Variants in RNF225 observed in about 807,000 individuals in gnomAD.
The protein encoded by RNF225 is ring finger protein 225.
For missense variants in RNF225, 510 were observed against 509.8 expected, an observed-to-expected ratio of 1.00 and a Z score of 0.00; for synonymous variants, 295 against 260.4, an observed-to-expected ratio of 1.13 and a Z score of -1.28.
At position 58,396,430 on chromosome 19, in the gene RNF225, C is replaced by T; in HGVS notation, c.341C>T (p.Pro114Leu). Residue 114 changes from proline (P) to leucine (L), a missense_variant, in exon 1 of 1, where the codon CCC (proline) becomes CTC (leucine). By Grantham distance (98) the Pro-to-Leu change is moderately conservative. Transcript: ENST00000601382. ...NAVACPVCRA[P>L]TRLAPRRGLP... is the part of the protein sequence containing the mutation. ...GTGGCCTGTCCGGTGTGCCGCGCGC[C>T]CACGCGCCTGGCCCCCCGCCGCGGA... is the stretch of plus-strand genomic sequence containing the variant. 2.7e-6 allele frequency: 4 copies of T among 1,481,720 alleles called. No homozygotes were observed. The highest frequency in any genetic ancestry group is 3.6e-6 in the Non-Finnish European group (4 of 1,125,122). The allele number at this position is 1,481,720 out of a possible 1,614,324, so 91.8% of individuals were successfully genotyped here. A position where few individuals can be genotyped will look rare whatever the true frequency, so the allele number is the denominator to read the frequency against.
At position 58,396,793 on chromosome 19, in the gene RNF225, A is replaced by C; in HGVS notation, c.704A>C (p.Gln235Pro). The C allele has an allele frequency of 1.3e-6, 2 of 1,519,176 alleles. No homozygotes were observed. Among genetic ancestry groups the C allele is most frequent in the Non-Finnish European group, 1.8e-6 (2 of 1,140,740 alleles). The allele number at this position is 1,519,176 out of a possible 1,614,324, so 94.1% of individuals were successfully genotyped here. Residue 235 changes from glutamine to proline, a missense_variant, in exon 1 of 1, where the codon CAG becomes CCG. Gln to Pro is a moderately conservative substitution (Grantham distance 76, BLOSUM62 -1). Coordinates refer to ENST00000601382, the MANE Select transcript of RNF225 (RefSeq NM_001195135.2). The part of the protein sequence containing the change: ...HATSSGPPRP[Q>P]LVALAPAPGF... ...ACCTCCTCCGGCCCCCCGCGGCCCC[A>C]GCTCGTGGCGCTCGCTCCAGCGCCT...
rs886217971 is a variant in RNF225, at chr19:58,396,065, C to T, written c.-25C>T. On this transcript the variant is annotated 5_prime_UTR_variant, in exon 1 of 1. Transcript: ENST00000601382. ...TCCACCGCCTCCTTCCCTGCCTGAC[C>T]TCCTCTCCTCCCAGGTCCATCCGGA... The T allele has an allele frequency of 1.8e-5, 27 of 1,478,448 alleles. No individual in the cohort carries two copies. Among genetic ancestry groups the T allele is most frequent in the Middle Eastern group, 2.4e-4 (1 of 4,120 alleles). 91.6% of individuals were successfully genotyped at this position (1,478,448 alleles called of 1,614,324 possible).
chr19:58,397,054 C>G lies in RNF225; in HGVS notation c.965C>G (p.Ala322Gly). The change falls in exon 1 of 1, where the codon GCG (alanine) becomes GGG (glycine). Residue 322 changes from alanine (A) to glycine (G), a missense_variant. Ala to Gly is a moderately conservative substitution (Grantham distance 60). Coordinates refer to ENST00000601382, the MANE Select transcript of RNF225 (RefSeq NM_001195135.2). ...GPGWAPWPRG[A>G]RRLWGSQ ...GGCTGGGCCCCGTGGCCACGGGGCG[C>G]GAGGAGGCTGTGGGGCTCACAATAA... is the stretch of plus-strand genomic sequence containing the variant. 6.6e-7 allele frequency: 1 copy of G among 1,525,804 alleles called. No homozygotes were observed. The highest frequency in any genetic ancestry group is 1.2e-5 in the South Asian group (1 of 83,184). 94.5% of individuals were successfully genotyped at this position (1,525,804 alleles called of 1,614,324 possible).
Position 58,396,351 on chromosome 19 carries a change from T to G in RNF225, c.262T>G (p.Cys88Gly). 6.5e-7 allele frequency: 1 copy of G among 1,535,456 alleles called. No homozygotes were observed. Among genetic ancestry groups the G allele is most frequent in the Non-Finnish European group, 8.7e-7 (1 of 1,146,658 alleles). ...PKRLDCGHVF[C>G]LECLARLSLA... ...GCGCCTGGACTGCGGCCACGTCTTC[T>G]GTCTCGAGTGCCTGGCGCGCCTATC... The change falls in exon 1 of 1, where the codon TGT becomes GGT. Residue 88 changes from cysteine to glycine, a missense_variant. Transcript: ENST00000601382.
At position 58,396,008 on chromosome 19, in the gene RNF225, A is replaced by T. The variant is rs2052395249; in HGVS notation, c.-82A>T. The T allele has an allele frequency of 7.5e-7, 1 of 1,340,278 alleles. No individual in the cohort carries two copies. The highest frequency in any genetic ancestry group is 2.7e-5 in the Admixed American group (1 of 36,588). The allele number at this position is 1,340,278 out of a possible 1,614,324, so 83.0% of individuals were successfully genotyped here. ...AAGTACAGTCCCCAGTCTTCCCTGG[A>T]TTCCCTGCTGGTCTCAGAACCCGCT... On this transcript the variant is annotated 5_prime_UTR_variant, in exon 1 of 1. Coordinates refer to ENST00000601382, the MANE Select transcript of RNF225 (RefSeq NM_001195135.2).
In RNF225 at chr19:58,396,678, GTCT is replaced by G; in HGVS notation, c.592_594del (p.Phe198del). 6.7e-7 allele frequency: 1 copy of G among 1,488,794 alleles called. No individual in the cohort carries two copies. The highest frequency in any genetic ancestry group is 2.0e-4 in the Middle Eastern group (1 of 5,086). 92.2% of individuals were successfully genotyped at this position (1,488,794 alleles called of 1,614,324 possible). On this transcript the variant is annotated inframe_deletion, in exon 1 of 1. Transcript: ENST00000601382. ...CTTGTCGCTGGCCAGCCCGGCCTGG[GTCT>G]TCAACGCTGCCGTGGCGCTGGCGGT...
rs763208359 is a variant in RNF225 at position 58,396,295 on chromosome 19, C to A, written c.206C>A (p.Ser69Ter). 190 of 1,535,938 alleles carry A rather than the reference C, an allele frequency of 1.2e-4. 3 individuals are homozygous for A. The Middle Eastern group carries it at 1.8e-3, about 15-fold the overall frequency. ...ASPVECLICVSSFDGVFKLPK... is the reference protein window; with the variant it reads ...ASPVECLICV ...CCGGTGGAGTGCCTCATCTGCGTGTCGTCCTTCGACGGCGTGTTCAAGCTG... is the reference window on the plus strand; with the variant it reads ...CCGGTGGAGTGCCTCATCTGCGTGTAGTCCTTCGACGGCGTGTTCAAGCTG... Residue 69 changes from serine (S) to a stop codon, truncating the protein, a stop_gained, in exon 1 of 1, where the codon TCG (serine) becomes TAG (stop). Coordinates refer to ENST00000601382, the MANE Select transcript of RNF225 (RefSeq NM_001195135.2). LOFTEE classifies it low-confidence loss of function (END_TRUNC).
At position 58,396,835 on chromosome 19, in the gene RNF225, C is replaced by T. The variant is rs1178910321; in HGVS notation, c.746C>T (p.Pro249Leu). 3 of 1,520,088 alleles carry T rather than the reference C, an allele frequency of 2.0e-6. No homozygotes were observed. The highest frequency in any genetic ancestry group is 2.9e-5 in the African/African-American group (2 of 69,744). The allele number at this position is 1,520,088 out of a possible 1,614,324, so 94.2% of individuals were successfully genotyped here. A position where few individuals can be genotyped will look rare whatever the true frequency, so the allele number is the denominator to read the frequency against. Residue 249 changes from proline to leucine, a missense_variant, in exon 1 of 1, where the codon CCG becomes CTG. Transcript: ENST00000601382. ...CCAGCGCCTGGCTTCTCTTGGTTTCCGCCGAGGCCCCCGCCGGGGTCGCCC... is the reference window on the plus strand; with the variant it reads ...CCAGCGCCTGGCTTCTCTTGGTTTCTGCCGAGGCCCCCGCCGGGGTCGCCC... ...LAPAPGFSWF[P>L]PRPPPGSPWA...
At position 58,396,180 on chromosome 19, in the gene RNF225, TC is replaced by T; in HGVS notation, c.95del (p.Pro32GlnfsTer?). Reference protein sequence around the residue: ...SSPGSLSAPRSPSRGEDQEEE... With the variant: ...SSPGSLSAPRXPSRGEDQEEE... Reference sequence around the variant, plus strand: ...CCCAGGCTCGCTCTCTGCGCCCCGCTCCCCAAGCAGAGGGGAAGACCAGGAG... The same window carrying T: ...CCCAGGCTCGCTCTCTGCGCCCCGCTCCCAAGCAGAGGGGAAGACCAGGAG... On this transcript the variant is annotated frameshift_variant, in exon 1 of 1. Transcript: ENST00000601382. LOFTEE classifies it low-confidence loss of function (END_TRUNC). 6.5e-7 allele frequency: 1 copy of T among 1,538,272 alleles called. No homozygotes were observed. Among genetic ancestry groups the T allele is most frequent in the Non-Finnish European group, 8.7e-7 (1 of 1,149,056 alleles).
chr19:58,395,728 C>G lies in RNF225; in HGVS notation c.-362C>G, dbSNP rs1010036. On this transcript the variant is annotated 5_prime_UTR_variant, in exon 1 of 1. Coordinates refer to ENST00000601382, the MANE Select transcript of RNF225 (RefSeq NM_001195135.2). ...TAGGAAGGCGCCCACAGGCTGGCTGCGGTCTGTCATTACTCTGTGGGGGGT... is the reference window on the plus strand; with the variant it reads ...TAGGAAGGCGCCCACAGGCTGGCTGGGGTCTGTCATTACTCTGTGGGGGGT... Among the ~76,000 whole-genome samples the G allele has an allele frequency of 0.47, 71,403 of 151,774 alleles. 17,270 individuals carry two copies. Among genetic ancestry groups the G allele is most frequent in the African/African-American group, 0.57 (23,630 of 41,332 alleles).
In RNF225 at chr19:58,396,593, C is replaced by A; in HGVS notation, c.504C>A (p.Arg168=). The change falls in exon 1 of 1, where the codon CGC becomes CGA. Residue 168 remains arginine, a synonymous_variant. Coordinates refer to ENST00000601382, the MANE Select transcript of RNF225 (RefSeq NM_001195135.2). ...CGCCGCCGCCCCCGCCCGGGCCGCG[C>A]AAGGCCCGCGCCCCGCCGCCCCCGC... ...LRPPPPPPGP[R]KARAPPPPPP... is the part of the protein sequence containing the mutation. 1 of 1,097,934 alleles carries A rather than the reference C, an allele frequency of 9.1e-7. No homozygotes were observed. Among genetic ancestry groups the A allele is most frequent in the Non-Finnish European group, 1.1e-6 (1 of 905,888 alleles). 68.0% of individuals were successfully genotyped at this position (1,097,934 alleles called of 1,614,324 possible).
In RNF225 at chr19:58,396,919, G is replaced by A. The variant is rs1326278843; in HGVS notation, c.830G>A (p.Gly277Glu). The A allele has an allele frequency of 4.6e-6, 7 of 1,534,156 alleles. No homozygotes were observed. The highest frequency in any genetic ancestry group is 6.1e-6 in the Non-Finnish European group (7 of 1,146,290). Residue 277 changes from glycine (G) to glutamate (E), a missense_variant, in exon 1 of 1, where the codon GGA (glycine) becomes GAA (glutamate). Gly to Glu is a moderately conservative substitution (Grantham distance 98). Coordinates refer to ENST00000601382, the MANE Select transcript of RNF225 (RefSeq NM_001195135.2). ...TGPDLDTALP[G>E]TAEDALEPEA... The stretch of plus-strand genomic sequence containing the variant: ...CCTGACCTGGACACGGCCCTGCCAG[G>A]AACTGCAGAAGATGCGCTGGAGCCC...
In RNF225 at chr19:58,396,617, G is replaced by T; in HGVS notation, c.528G>T (p.Pro176=). 8.1e-7 allele frequency: 1 copy of T among 1,234,926 alleles called. No homozygotes were observed. Among genetic ancestry groups the T allele is most frequent in the Non-Finnish European group, 1.0e-6 (1 of 990,048 alleles). 76.5% of individuals were successfully genotyped at this position (1,234,926 alleles called of 1,614,324 possible). ...GPRKARAPPP[P]PPLRLGRPLS... Reference sequence around the variant, plus strand: ...GCAAGGCCCGCGCCCCGCCGCCCCCGCCGCCTCTGCGCCTGGGCCGCCCGC... The same window carrying T: ...GCAAGGCCCGCGCCCCGCCGCCCCCTCCGCCTCTGCGCCTGGGCCGCCCGC... Residue 176 remains proline, a synonymous_variant, in exon 1 of 1, where the codon CCG becomes CCT. Transcript: ENST00000601382.
rs1370345482 is a variant in RNF225, at chr19:58,396,828, T to C, written c.739T>C (p.Trp247Arg). The change falls in exon 1 of 1, where the codon TGG becomes CGG. Residue 247 changes from tryptophan to arginine, a missense_variant. Physicochemically the swap from Trp to Arg is moderately radical, Grantham distance 101. Coordinates refer to ENST00000601382, the MANE Select transcript of RNF225 (RefSeq NM_001195135.2). Reference protein sequence around the residue: ...VALAPAPGFSWFPPRPPPGSP... With the variant: ...VALAPAPGFSRFPPRPPPGSP... ...GCTCGCTCCAGCGCCTGGCTTCTCT[T>C]GGTTTCCGCCGAGGCCCCCGCCGGG... is the stretch of plus-strand genomic sequence containing the variant. 2 of 1,520,160 alleles carry C rather than the reference T, an allele frequency of 1.3e-6. No individual in the cohort carries two copies. The allele number at this position is 1,520,160 out of a possible 1,614,324, so 94.2% of individuals were successfully genotyped here. A position where few individuals can be genotyped will look rare whatever the true frequency, so the allele number is the denominator to read the frequency against.
In RNF225 at chr19:58,397,031, C is replaced by T. The variant is rs1269774380; in HGVS notation, c.942C>T (p.Gly314=). ...DGTWGTEAGP[G]WAPWPRGARR... is the part of the protein sequence containing the mutation. ...CGTGGGGCACAGAGGCTGGCCCCGG[C>T]TGGGCCCCGTGGCCACGGGGCGCGA... Residue 314 remains glycine, a synonymous_variant, in exon 1 of 1, where the codon GGC becomes GGT. Transcript: ENST00000601382. 1 of 1,531,446 alleles carries T rather than the reference C, an allele frequency of 6.5e-7. No homozygotes were observed. Among genetic ancestry groups the T allele is most frequent in the Non-Finnish European group, 8.7e-7 (1 of 1,145,164 alleles). The allele number at this position is 1,531,446 out of a possible 1,614,324, so 94.9% of individuals were successfully genotyped here.
rs771152855 is a variant in RNF225 at position 58,396,940 on chromosome 19, A to G, written c.851A>G (p.Glu284Gly). ...CCAGGAACTGCAGAAGATGCGCTGG[A>G]GCCCGAGGCGGGCCCCGAGGACCCG... ...ALPGTAEDAL[E>G]PEAGPEDPAE... Residue 284 changes from glutamate to glycine, a missense_variant, in exon 1 of 1, where the codon GAG becomes GGG. Physicochemically the swap from Glu to Gly is moderately conservative, Grantham distance 98. Transcript: ENST00000601382. The G allele has an allele frequency of 3.5e-5, 53 of 1,533,884 alleles. No individual in the cohort carries two copies. The highest frequency in any genetic ancestry group is 4.6e-5 in the Non-Finnish European group (53 of 1,146,340).
In RNF225 at chr19:58,397,020, G is replaced by A; in HGVS notation, c.931G>A (p.Ala311Thr). 1 of 1,532,488 alleles carries A rather than the reference G, an allele frequency of 6.5e-7. No individual in the cohort carries two copies. Among genetic ancestry groups the A allele is most frequent in the Non-Finnish European group, 8.7e-7 (1 of 1,145,562 alleles). 94.9% of individuals were successfully genotyped at this position (1,532,488 alleles called of 1,614,324 possible). The change falls in exon 1 of 1, where the codon GCT (alanine) becomes ACT (threonine). Residue 311 changes from alanine to threonine, a missense_variant. By Grantham distance (58) the Ala-to-Thr change is moderately conservative (BLOSUM62 0). Transcript: ENST00000601382. Reference protein sequence around the residue: ...RRSDGTWGTEAGPGWAPWPRG... With the variant: ...RRSDGTWGTETGPGWAPWPRG... ...ATCGGATGGCACGTGGGGCACAGAG[G>A]CTGGCCCCGGCTGGGCCCCGTGGCC...
rs778885527 is a variant in RNF225 at position 58,396,209 on chromosome 19, G to T, written c.120G>T (p.Glu40Asp). 3.2e-6 allele frequency: 5 copies of T among 1,543,252 alleles called. No individual in the cohort carries two copies. In the South Asian group the frequency reaches 4.7e-5, roughly 15 times the overall value. The change falls in exon 1 of 1, where the codon GAG becomes GAT. Residue 40 changes from glutamate (E) to aspartate (D), a missense_variant. Coordinates refer to ENST00000601382, the MANE Select transcript of RNF225 (RefSeq NM_001195135.2). ...CAAGCAGAGGGGAAGACCAGGAGGA[G>T]GAGGAGGAGGAGGAAGGGGACGGCA... ...RSPSRGEDQE[E>D]EEEEEGDGSP...
At position 58,395,754 on chromosome 19, in the gene RNF225, G is replaced by A. The variant is rs547359936; in HGVS notation, c.-336G>A. Among the ~76,000 whole-genome samples the A allele has an allele frequency of 5.3e-4, 79 of 148,538 alleles. No individual in the cohort carries two copies. Among genetic ancestry groups the A allele is most frequent in the African/African-American group, 2.0e-3 (75 of 38,072 alleles). On this transcript the variant is annotated 5_prime_UTR_variant, in exon 1 of 1. Coordinates refer to ENST00000601382, the MANE Select transcript of RNF225 (RefSeq NM_001195135.2). Reference sequence around the variant, plus strand: ...GGTCTGTCATTACTCTGTGGGGGGTGCCTATCTCTGCTCCTCTGTGGGTCA... The same window carrying A: ...GGTCTGTCATTACTCTGTGGGGGGTACCTATCTCTGCTCCTCTGTGGGTCA...
Sources: gnomAD v4.1 joint callset for allele counts (sites outside exome capture counted in the v4.1 genomes callset) on GRCh38, gnomAD v4.1.1 for gene constraint, MANE v1.5 for transcripts, NCBI Gene and HGNC (gene_info 2026-07-23, HGNC 2026-07-21) for gene names.